ATP7A: variants seen among roughly 807,000 people sequenced by gnomAD.
The protein encoded by ATP7A is copper-transporting ATPase 1.
A neutral mutation model predicts 83.5 loss-of-function variants in ATP7A; 7 were observed. The ratio of observed to expected loss-of-function variants is 0.08; its 90% CI spans 0.05 to 0.16. The LOEUF (loss-of-function observed/expected upper bound fraction) is 0.16, where lower values mean the gene tolerates loss of function less well. Ranked by LOEUF, ATP7A falls within the 10% of genes least tolerant of loss-of-function variation. ATP7A has a pLI of 1.00. For missense variants in ATP7A, 940 were observed against 1,120.8 expected, an observed-to-expected ratio of 0.84 and a Z score of 2.30; for synonymous variants, 354 against 395.2, an observed-to-expected ratio of 0.90 and a Z score of 1.24.
Position 77,989,717 on chromosome X carries a change from G to T in ATP7A, c.1095G>T (p.Lys365Asn). 2 of 1,211,594 alleles carry T rather than the reference G, an allele frequency of 1.7e-6. No individual in the cohort carries two copies. Among genetic ancestry groups the T allele is most frequent in the Non-Finnish European group, 2.2e-6 (2 of 895,415 alleles). Residue 365 changes from lysine (K) to asparagine (N), a missense_variant, in exon 4 of 23, where the codon AAG (lysine) becomes AAT (asparagine). Transcript: ENST00000341514. ...SNSPSSSSLQ[K>N]IPLNVVSQPL... ...CTCCCTCCAGCTCATCTCTTCAGAA[G>T]ATTCCTTTGAATGTAGTTAGCCAGC...
intron 14 of ATP7A, among the ~76,000 whole-genome samples, chrX:78,028,373 G>C: frequency 9.0e-6 from 1 of 111,312 alleles, no homozygotes; most frequent in Middle Eastern, 4.6e-3. Context: ...ATTTTTAATA[G>C]AGACGGGGTT....
intron 15 of ATP7A, among the ~76,000 whole-genome samples, chrX:78,031,089 A>C (rs2077980978): frequency 9.0e-6 from 1 of 111,645 alleles, no homozygotes; most frequent in African/African-American, 3.3e-5. Flanking sequence ...ACCTTGAGGC[A>C]CTAGAGGCGT....
intron 8 of ATP7A, 78 bp downstream of exon 8, chrX:78,011,330 A>G (rs890179174): frequency 4.7e-6 from 5 of 1,074,986 alleles, no homozygotes; most frequent in Non-Finnish European, 5.2e-6. Flanking sequence ...CAGTTTTTAT[A>G]ATATCATCCT....
chrX:77,915,918 G>A (rs368781716), intron 1 of ATP7A, among the ~76,000 whole-genome samples: 99 of 111,457 alleles, frequency 8.9e-4, no homozygotes, highest in African/African-American at 1.6e-3. Flanking sequence ...ATGGGGTTTC[G>A]CCATGTTGGC....
intron 17 of ATP7A, among the ~76,000 whole-genome samples, chrX:78,037,515 C>T (rs1397720301): frequency 9.0e-6 from 1 of 110,609 alleles, no homozygotes; most frequent in African/African-American, 3.3e-5. Context: ...GGATAAGAAC[C>T]CCAAGGAGTG....
intron 17 of ATP7A, among the ~76,000 whole-genome samples, chrX:78,034,799 A>G (rs1388917878): frequency 9.8e-6 from 1 of 101,930 alleles, no homozygotes; most frequent in Non-Finnish European, 2.0e-5. Context: ...GCTGGAGTGC[A>G]GTGGTGCAAT....
At chrX:78,036,078 T>C (rs1557237708) in intron 17 of ATP7A, among the ~76,000 whole-genome samples, 8 of 112,134 alleles carry the variant, frequency 7.1e-5, no homozygotes, top group Non-Finnish European at 1.5e-4. Flanking sequence ...TGTCATGCAC[T>C]GTTCAAGGCA....
intron 1 of ATP7A, among the ~76,000 whole-genome samples, chrX:77,956,566 C>T (rs1330693635): frequency 1.3e-4 from 14 of 110,979 alleles, no homozygotes; most frequent in Non-Finnish European, 2.3e-4. Flanking sequence ...AAGTGTGTGG[C>T]ACCTCCCATT....
At chrX:77,953,952 G>A (rs1557227061) in intron 1 of ATP7A, among the ~76,000 whole-genome samples, 1 of 112,031 alleles carries the variant, frequency 8.9e-6, no homozygotes, top group East Asian at 2.8e-4. Context: ...GGAATCTGAA[G>A]CATCTGTATT....
At position 78,046,685 on chromosome X, in the gene ATP7A, G is replaced by T. The variant is rs2078085472; in HGVS notation, c.*115G>T. ...GATTTTTCTCATGCTCTTATATTAG[G>T]GATTCTATTTGAGTTGCGTTTATCT... is the stretch of plus-strand genomic sequence containing the variant. On this transcript the variant is annotated 3_prime_UTR_variant, in exon 23 of 23. Transcript: ENST00000341514. The T allele has an allele frequency of 9.9e-7, 1 of 1,009,662 alleles. No individual in the cohort carries two copies. Among genetic ancestry groups the T allele is most frequent in the Admixed American group, 2.2e-5 (1 of 44,769 alleles). The allele number at this position is 1,009,662 out of a possible 1,213,427, so 83.2% of individuals were successfully genotyped here. A position where few individuals can be genotyped will look rare whatever the true frequency, so the allele number is the denominator to read the frequency against.
intron 1 of ATP7A, among the ~76,000 whole-genome samples, chrX:77,928,379 T>C (rs1227074380): frequency 9.8e-6 from 1 of 101,637 alleles, no homozygotes; most frequent in Non-Finnish European, 2.0e-5. Flanking sequence ...GCAGAATACC[T>C]GTACCTGATT....
At chrX:77,990,974 A>G (rs181074633) in intron 4 of ATP7A, among the ~76,000 whole-genome samples, 71 of 112,121 alleles carry the variant, frequency 6.3e-4, no homozygotes, top group African/African-American at 2.2e-3. Flanking sequence ...GAGAGGACTT[A>G]GAGACATACC....
At chrX:78,014,621 T>C (rs1258675463) in intron 10 of ATP7A, 41 bp from the exon 11 acceptor site, 3 of 1,075,417 alleles carry the variant, frequency 2.8e-6, no homozygotes, top group Non-Finnish European at 3.9e-6. Context: ...CCTGAACTTT[T>C]TCTTCCTTAG....
rs1178922494 is a variant in ATP7A, at chrX:78,046,983, C to T, written c.*413C>T. On this transcript the variant is annotated 3_prime_UTR_variant, in exon 23 of 23. Coordinates refer to ENST00000341514, the MANE Select transcript of ATP7A (RefSeq NM_000052.7). Reference sequence around the variant, plus strand: ...TTTTGAACTCAAAATATTGAAGATACTCTCAAGCCTGTATCCCTGCCCCAC... The same window carrying T: ...TTTTGAACTCAAAATATTGAAGATATTCTCAAGCCTGTATCCCTGCCCCAC... The T allele has an allele frequency of 6.8e-5, 10 of 146,343 alleles. No individual in the cohort carries two copies. The highest frequency in any genetic ancestry group is 1.0e-4 in the Non-Finnish European group (8 of 76,505). The allele number at this position is 146,343 out of a possible 1,213,427, so 12.1% of individuals were successfully genotyped here. A position where few individuals can be genotyped will look rare whatever the true frequency, so the allele number is the denominator to read the frequency against.
chrX:77,975,784 C>T, intron 2 of ATP7A: 1 of 111,839 alleles, frequency 8.9e-6, no homozygotes, highest in African/African-American at 3.2e-5. Context: ...AGCCACCACG[C>T]CCAGCCTGAA....
chrX:77,988,502 G>A lies in ATP7A; in HGVS notation c.381G>A (p.Val127=). 1.7e-6 allele frequency: 2 copies of A among 1,211,657 alleles called. No homozygotes were observed. Among genetic ancestry groups the A allele is most frequent in the South Asian group, 3.5e-5 (2 of 56,988 alleles). ...KIYPQKRTVA[V]TIIPSIVNAN... is the part of the protein sequence containing the mutation. ...ACCCTCAGAAAAGAACTGTAGCAGT[G>A]ACAATAATCCCTTCTATAGTGAATG... Residue 127 remains valine, a synonymous_variant, in exon 3 of 23, where the codon GTG becomes GTA. Coordinates refer to ENST00000341514, the MANE Select transcript of ATP7A (RefSeq NM_000052.7).
intron 7 of ATP7A, among the ~76,000 whole-genome samples, chrX:78,010,045 G>C (rs962988143): frequency 8.9e-6 from 1 of 112,424 alleles, no homozygotes; most frequent in African/African-American, 3.2e-5. Context: ...CTATAGAATT[G>C]GTGTTCAAGT....
At chrX:77,953,518 C>A (rs782700000) in intron 1 of ATP7A, among the ~76,000 whole-genome samples, 1 of 111,962 alleles carries the variant, frequency 8.9e-6, no homozygotes, top group East Asian at 2.8e-4. Context: ...TTCCCCCTAC[C>A]TTCCTGAGAT....
At chrX:77,994,992 G>A (rs1557232384) in intron 4 of ATP7A, among the ~76,000 whole-genome samples, 2 of 111,906 alleles carry the variant, frequency 1.8e-5, no homozygotes, top group African/African-American at 3.3e-5. Context: ...TGATGGGTAG[G>A]TAAAAAACCT....
Sources: allele counts gnomAD v4.1 joint callset (sites outside exome capture counted in the v4.1 genomes callset), GRCh38; gene constraint gnomAD v4.1.1; transcripts MANE v1.5; gene names NCBI Gene and HGNC (gene_info 2026-07-23, HGNC 2026-07-21).